The following PARD3B variants were observed in gnomAD, a reference collection of about 807,000 sequenced individuals.
PARD3B encodes the protein par-3 family cell polarity regulator beta.
Under a neutral mutation model 130.2 loss-of-function variants are expected in PARD3B, and 103 were observed. The ratio of observed to expected loss-of-function variants is 0.79; its 90% CI spans 0.67 to 0.93. The LOEUF (loss-of-function observed/expected upper bound fraction) is 0.93, where lower values mean the gene tolerates loss of function less well. Among genes scored for constraint, PARD3B ranks in the 40% least tolerant of loss-of-function variants. PARD3B has a pLI of 0.00. For missense variants in PARD3B, 1,609 were observed against 1,499.2 expected (o/e 1.07, Z -1.21); for synonymous variants, 583 against 553.2 (o/e 1.05, Z -0.76).
At position 205,125,788 on chromosome 2, in the gene PARD3B, A is replaced by G. The variant is rs1193612191; in HGVS notation, c.1434+51A>G. 6.3e-7 allele frequency: 1 copy of G among 1,593,970 alleles called. No individual in the cohort carries two copies. The highest frequency in any genetic ancestry group is 8.6e-7 in the Non-Finnish European group (1 of 1,167,578). On this transcript the variant is annotated intron_variant, in intron 10 of 22. Coordinates refer to ENST00000406610, the MANE Select transcript of PARD3B (RefSeq NM_001302769.2). The surrounding 1 kb of genome is among the most constrained non-coding windows in gnomAD (Gnocchi z 4.0). Reference sequence around the variant, plus strand: ...GAATTTTTAATGCCGAGCTTAATACACTCAATGAACTCATTATAGCTGAGA... The same window carrying G: ...GAATTTTTAATGCCGAGCTTAATACGCTCAATGAACTCATTATAGCTGAGA...
intron 19 of PARD3B, among the ~76,000 whole-genome samples, chr2:205,402,616 G>T (rs1053730457): frequency 6.6e-6 from 1 of 152,122 alleles, no homozygotes; most frequent in African/African-American, 2.4e-5. Flanking sequence ...TTTAAGCAAG[G>T]GTTCATTTCC....
chr2:205,589,502 A>G lies in PARD3B; in HGVS notation c.3261-25954A>G, dbSNP rs1318459034. On this transcript the variant is annotated intron_variant, in intron 22 of 22. Coordinates refer to ENST00000406610, the MANE Select transcript of PARD3B (RefSeq NM_001302769.2). The surrounding 1 kb of genome is among the most constrained non-coding windows in gnomAD (Gnocchi z 4.1). ...AGAGATGAGGAACTAATCAAGGTGCATGTTTCTGTGTCTGGAAGTAGGAGC... is the reference window on the plus strand; with the variant it reads ...AGAGATGAGGAACTAATCAAGGTGCGTGTTTCTGTGTCTGGAAGTAGGAGC... 6.6e-6 allele frequency among the ~76,000 whole-genome samples: 1 copy of G among 152,158 alleles called. No homozygotes were observed. The highest frequency in any genetic ancestry group is 1.5e-5 in the Non-Finnish European group (1 of 68,020).
chr2:204,688,550 A>G lies in PARD3B; in HGVS notation c.222+2268A>G, dbSNP rs2037198188. The stretch of plus-strand genomic sequence containing the variant: ...AGCCAAGATCACACCAGTGCAGGCC[A>G]GCCTGGGTGACAGAGCAAGACTCCA... On this transcript the variant is annotated intron_variant, in intron 2 of 22. Transcript: ENST00000406610. Among the ~76,000 whole-genome samples, 3 of 150,146 alleles carry G rather than the reference A, an allele frequency of 2.0e-5. No individual in the cohort carries two copies. The South Asian group carries it at 6.4e-4, about 32-fold the overall frequency.
intron 2 of PARD3B, among the ~76,000 whole-genome samples, chr2:204,821,096 G>A (rs770721096): frequency 5.9e-5 from 9 of 152,134 alleles, no homozygotes; most frequent in Non-Finnish European, 1.3e-4. Flanking sequence ...CATTAGGAGA[G>A]TAATGTTGTT....
At chr2:205,255,766 A>G (rs1309712064) in intron 16 of PARD3B, among the ~76,000 whole-genome samples, 2 of 152,308 alleles carry the variant, frequency 1.3e-5, no homozygotes, top group East Asian at 3.9e-4. Context: ...GGTTGTGGGA[A>G]GGTTCTAGGA....
chr2:205,041,382 C>T (rs1698390068), intron 3 of PARD3B, among the ~76,000 whole-genome samples: 2 of 152,288 alleles, frequency 1.3e-5, no homozygotes, highest in Middle Eastern at 3.4e-3. Flanking sequence ...CCCTATTGCT[C>T]TTCTTCAAGC....
At chr2:204,931,567 T>C (rs1688032949) in intron 2 of PARD3B, among the ~76,000 whole-genome samples, 1 of 151,882 alleles carries the variant, frequency 6.6e-6, no homozygotes, top group Non-Finnish European at 1.5e-5. Flanking sequence ...ATAATTTACT[T>C]TGAAGTATAA....
intron 13 of PARD3B, among the ~76,000 whole-genome samples, chr2:205,184,278 A>G (rs931679682): frequency 6.6e-6 from 1 of 152,166 alleles, no homozygotes; most frequent in Non-Finnish European, 1.5e-5. Flanking sequence ...TATCACCAAC[A>G]GCAGTTCTCA....
intron 4 of PARD3B, among the ~76,000 whole-genome samples, chr2:205,097,904 A>G (rs1183527167): frequency 6.6e-6 from 1 of 151,774 alleles, no homozygotes; most frequent in Non-Finnish European, 1.5e-5. Flanking sequence ...ACATTTAGGG[A>G]TGGTATCTTT....
intron 1 of PARD3B, among the ~76,000 whole-genome samples, chr2:204,570,809 A>G (rs111310518): frequency 3.6e-3 from 547 of 150,464 alleles, no homozygotes; most frequent in African/African-American, 0.012. Context: ...TGAGGTGTAT[A>G]AGCTGTTGTA....
At chr2:204,781,989 C>G (rs1297824238) in intron 2 of PARD3B, among the ~76,000 whole-genome samples, 1 of 151,962 alleles carries the variant, frequency 6.6e-6, no homozygotes, top group Admixed American at 6.6e-5. Context: ...TTTTACTCTA[C>G]AAGTTTTCAA....
intron 2 of PARD3B, among the ~76,000 whole-genome samples, chr2:204,850,613 CGTT>C (rs1355278591): frequency 2.6e-5 from 4 of 151,922 alleles, no homozygotes; most frequent in Non-Finnish European, 5.9e-5. Context: ...GATATGAACT[CGTT>C]GTATTCATAT....
intron 3 of PARD3B, among the ~76,000 whole-genome samples, chr2:205,020,248 T>C (rs934039925): frequency 3.9e-5 from 6 of 152,174 alleles, no homozygotes; most frequent in African/African-American, 1.4e-4. Flanking sequence ...GTTAACATCC[T>C]TTTTATCCCT....
chr2:205,256,379 A>G (rs1447361692), intron 16 of PARD3B, among the ~76,000 whole-genome samples: 1 of 152,166 alleles, frequency 6.6e-6, no homozygotes, highest in Non-Finnish European at 1.5e-5. Context: ...GCCAACTGCT[A>G]CAAATACAAA....
chr2:205,358,787 C>G (rs1230123774), intron 18 of PARD3B, among the ~76,000 whole-genome samples: 2 of 152,184 alleles, frequency 1.3e-5, no homozygotes, highest in African/African-American at 4.8e-5. Flanking sequence ...TTCCTACCAC[C>G]TCGGTGGCAT....
At chr2:204,599,402 AT>A in intron 1 of PARD3B, among the ~76,000 whole-genome samples, 1 of 151,856 alleles carries the variant, frequency 6.6e-6, no homozygotes, top group Middle Eastern at 3.4e-3. Flanking sequence ...TGAGATCACC[AT>A]TTTTTAGCTT....
chr2:204,869,962 G>A (rs1436444484), intron 2 of PARD3B, among the ~76,000 whole-genome samples: 2 of 152,140 alleles, frequency 1.3e-5, no homozygotes, highest in African/African-American at 4.8e-5. Context: ...CTCAGCCACT[G>A]GTCAGCATAG....
intron 2 of PARD3B, among the ~76,000 whole-genome samples, chr2:204,955,490 C>T (rs765370988): frequency 6.6e-6 from 1 of 152,160 alleles, no homozygotes; most frequent in Non-Finnish European, 1.5e-5. Context: ...GTGTCCACAC[C>T]AAAGTGAAGA....
intron 1 of PARD3B, among the ~76,000 whole-genome samples, chr2:204,668,324 G>A (rs1392291989): frequency 6.6e-6 from 1 of 152,102 alleles, no homozygotes; most frequent in Non-Finnish European, 1.5e-5. Context: ...TATGTGTTTG[G>A]CTCACTTTGA....
Sources: allele counts gnomAD v4.1 joint callset (sites outside exome capture counted in the v4.1 genomes callset), GRCh38; gene constraint gnomAD v4.1.1; non-coding constraint Gnocchi (gnomAD v3.1); transcripts MANE v1.5; gene names NCBI Gene and HGNC (gene_info 2026-07-23, HGNC 2026-07-21).